Variants in FSIP2 observed in about 807,000 individuals in gnomAD.
The protein encoded by FSIP2 is fibrous sheath interacting protein 2.
In FSIP2, 367 loss-of-function variants were observed where a neutral mutation model predicts 510.5. The observed-to-expected ratio is 0.72, with a 90% CI of 0.66 to 0.78. The LOEUF (loss-of-function observed/expected upper bound fraction) is 0.78, where lower values mean the gene tolerates loss of function less well. Ranked by LOEUF, FSIP2 falls within the 30% of genes least tolerant of loss-of-function variation. The pLI is 0.00. For synonymous variants in FSIP2, 2,601 were observed against 2,732.2 expected, an observed-to-expected ratio of 0.95 and a Z score of 1.50; for missense variants, 7,594 against 7,901.7, an observed-to-expected ratio of 0.96 and a Z score of 1.48.
chr2:185,816,636 G>A (rs915978996), intron 19 of FSIP2, among the ~76,000 whole-genome samples: 4 of 151,720 alleles, frequency 2.6e-5, no homozygotes, highest in Non-Finnish European at 4.4e-5. Flanking sequence ...CCAGGAGTTT[G>A]AAGCCAGCTT....
Position 185,802,779 on chromosome 2 carries a change from A to G in FSIP2, c.13473A>G (p.Arg4491=). The stretch of plus-strand genomic sequence containing the variant: ...CTGCATCTAGCCTGGTTCTAAACAG[A>G]GACACCCAAAAAGATATATCAAGAG... ...FSSASSLVLN[R]DTQKDISRVN... The change falls in exon 17 of 23, where the codon AGA becomes AGG. Residue 4491 remains arginine (R), a synonymous_variant. Transcript: ENST00000424728. 6.6e-7 allele frequency: 1 copy of G among 1,519,440 alleles called. No homozygotes were observed. The highest frequency in any genetic ancestry group is 8.8e-7 in the Non-Finnish European group (1 of 1,140,334). The allele number at this position is 1,519,440 out of a possible 1,614,324, so 94.1% of individuals were successfully genotyped here.
chr2:185,748,088 A>G (rs1464265524), intron 7 of FSIP2, among the ~76,000 whole-genome samples: 1 of 152,010 alleles, frequency 6.6e-6, no homozygotes, highest in African/African-American at 2.4e-5. Flanking sequence ...TGTAAGATTT[A>G]CACAATTTGG....
chr2:185,794,806 C>T lies in FSIP2; in HGVS notation c.7670C>T (p.Ser2557Leu). 1.3e-6 allele frequency: 2 copies of T among 1,532,248 alleles called. No homozygotes were observed. Among genetic ancestry groups the T allele is most frequent in the Non-Finnish European group, 1.7e-6 (2 of 1,144,194 alleles). 94.9% of individuals were successfully genotyped at this position (1,532,248 alleles called of 1,614,324 possible). Residue 2557 changes from serine (S) to leucine (L), a missense_variant, in exon 16 of 23, where the codon TCA becomes TTA. By Grantham distance (145) the Ser-to-Leu change is moderately radical (BLOSUM62 -2). Coordinates refer to ENST00000424728, the MANE Select transcript of FSIP2 (RefSeq NM_173651.4). ...LGKMYLVVVT[S>L]LYENNKSRTE... is the part of the protein sequence containing the mutation. ...AAAATGTACTTGGTAGTTGTGACATCATTATATGAAAATAATAAAAGTAGG... is the reference window on the plus strand; with the variant it reads ...AAAATGTACTTGGTAGTTGTGACATTATTATATGAAAATAATAAAAGTAGG...
Position 185,790,581 on chromosome 2 carries a change from T to C in FSIP2, c.3445T>C (p.Ser1149Pro), listed in dbSNP as rs1693097838. Residue 1149 changes from serine (S) to proline (P), a missense_variant, in exon 16 of 23, where the codon TCA becomes CCA. Coordinates refer to ENST00000424728, the MANE Select transcript of FSIP2 (RefSeq NM_173651.4). ...VLVSEKPQGLSHQEWIDQMFS... is the reference protein window; with the variant it reads ...VLVSEKPQGLPHQEWIDQMFS... Reference sequence around the variant, plus strand: ...TGTTTCAGAAAAGCCTCAAGGACTGTCACATCAAGAATGGATAGACCAGAT... The same window carrying C: ...TGTTTCAGAAAAGCCTCAAGGACTGCCACATCAAGAATGGATAGACCAGAT... The C allele has an allele frequency of 6.5e-7, 1 of 1,533,880 alleles. No individual in the cohort carries two copies. Among genetic ancestry groups the C allele is most frequent in the Non-Finnish European group, 8.7e-7 (1 of 1,145,496 alleles).
chr2:185,780,072 CAA>C (rs555770165), intron 13 of FSIP2, among the ~76,000 whole-genome samples: 6 of 133,468 alleles, frequency 4.5e-5, no homozygotes, highest in Non-Finnish European at 6.5e-5. Context: ...CACTCCATCT[CAA>C]AAAAAAAAAA....
Position 185,804,246 on chromosome 2 carries a change from A to T in FSIP2, c.14940A>T (p.Lys4980Asn). Reference sequence around the variant, plus strand: ...AAAATCCAGATAGAGTGAAACTGAAACTTACCAGGATTGTTACAACATTGG... The same window carrying T: ...AAAATCCAGATAGAGTGAAACTGAATCTTACCAGGATTGTTACAACATTGG... ...VTENPDRVKL[K>N]LTRIVTTLVN... is the part of the protein sequence containing the mutation. Residue 4980 changes from lysine to asparagine, a missense_variant, in exon 17 of 23, where the codon AAA becomes AAT. Lys to Asn is a moderately conservative substitution (Grantham distance 94). Transcript: ENST00000424728. 1 of 1,528,592 alleles carries T rather than the reference A, an allele frequency of 6.5e-7. No homozygotes were observed. The highest frequency in any genetic ancestry group is 8.7e-7 in the Non-Finnish European group (1 of 1,143,266). The allele number at this position is 1,528,592 out of a possible 1,614,324, so 94.7% of individuals were successfully genotyped here.
rs1693210366 is a variant in FSIP2, at chr2:185,794,135, C to T, written c.6999C>T (p.Arg2333=). 3 of 1,532,128 alleles carry T rather than the reference C, an allele frequency of 2.0e-6. No individual in the cohort carries two copies. The African/African-American group carries it at 4.1e-5, about 21-fold the overall frequency. 94.9% of individuals were successfully genotyped at this position (1,532,128 alleles called of 1,614,324 possible). Residue 2333 remains arginine (R), a synonymous_variant, in exon 16 of 23, where the codon CGC becomes CGT. Transcript: ENST00000424728. ...QELTDFTFVG[R]REKLGSTIHL... ...TTACAGATTTCACTTTTGTTGGTCG[C>T]AGAGAAAAACTTGGATCCACAATTC...
rs1378559152 is a variant in FSIP2, at chr2:185,801,758, T to C, written c.12452T>C (p.Leu4151Ser). Residue 4151 changes from leucine (L) to serine (S), a missense_variant, in exon 17 of 23, where the codon TTA becomes TCA. Leu to Ser is a moderately radical substitution (Grantham distance 145). Coordinates refer to ENST00000424728, the MANE Select transcript of FSIP2 (RefSeq NM_173651.4). ...SFLEDVIRRL[L>S]SQLIPPPITC... ...TTAGAAGATGTCATAAGAAGGCTTT[T>C]ATCTCAGCTAATTCCTCCACCCATT... 2.6e-6 allele frequency: 4 copies of C among 1,526,790 alleles called. No homozygotes were observed. The highest frequency in any genetic ancestry group is 2.0e-5 in the Admixed American group (1 of 50,102). 94.6% of individuals were successfully genotyped at this position (1,526,790 alleles called of 1,614,324 possible). A position where few individuals can be genotyped will look rare whatever the true frequency, so the allele number is the denominator to read the frequency against.
At position 185,806,182 on chromosome 2, in the gene FSIP2, C is replaced by T. The variant is rs1357185515; in HGVS notation, c.16876C>T (p.Leu5626Phe). The T allele has an allele frequency of 1.9e-6, 3 of 1,587,604 alleles. No homozygotes were observed. Among genetic ancestry groups the T allele is most frequent in the Non-Finnish European group, 2.6e-6 (3 of 1,171,926 alleles). Reference protein sequence around the residue: ...RESSFKKDDKLFQLSSLKSKR... With the variant: ...RESSFKKDDKFFQLSSLKSKR... ...AAGCTCATTTAAAAAAGATGACAAGCTCTTTCAGTTATCCTCCTTGAAGTC... is the reference window on the plus strand; with the variant it reads ...AAGCTCATTTAAAAAAGATGACAAGTTCTTTCAGTTATCCTCCTTGAAGTC... The change falls in exon 17 of 23, where the codon CTC (leucine) becomes TTC (phenylalanine). Residue 5626 changes from leucine (L) to phenylalanine (F), a missense_variant. Transcript: ENST00000424728.
In FSIP2 at chr2:185,800,945, T is replaced by A; in HGVS notation, c.11639T>A (p.Ile3880Lys). 2.6e-6 allele frequency: 4 copies of A among 1,530,274 alleles called. No individual in the cohort carries two copies. Among genetic ancestry groups the A allele is most frequent in the Middle Eastern group, 3.4e-4 (2 of 5,950 alleles). 94.8% of individuals were successfully genotyped at this position (1,530,274 alleles called of 1,614,324 possible). ...NKHLNYRTRE[I>K]QSSFIKARKS... is the part of the protein sequence containing the mutation. ...CATTTGAACTACAGAACAAGAGAAA[T>A]ACAGTCTAGTTTCATAAAAGCAAGA... Residue 3880 changes from isoleucine (I) to lysine (K), a missense_variant, in exon 17 of 23, where the codon ATA (isoleucine) becomes AAA (lysine). Coordinates refer to ENST00000424728, the MANE Select transcript of FSIP2 (RefSeq NM_173651.4).
Position 185,793,205 on chromosome 2 carries a change from AAATCCTTTT to A in FSIP2, c.6070_6078del (p.Asn2024_Phe2026del), listed in dbSNP as rs750970319. On this transcript the variant is annotated inframe_deletion, in exon 16 of 23. Transcript: ENST00000424728. ...AACAGGAATTAGATAAAGAAAGGGAAAATCCTTTTTTAACTCATGACATTGGGATTTCTG... is the reference window on the plus strand; with the variant it reads ...AACAGGAATTAGATAAAGAAAGGGAATTAACTCATGACATTGGGATTTCTG... 5.2e-6 allele frequency: 8 copies of A among 1,533,930 alleles called. No homozygotes were observed. In the South Asian group the frequency reaches 8.3e-5, roughly 16 times the overall value.
chr2:185,797,211 T>C lies in FSIP2; in HGVS notation c.10075T>C (p.Phe3359Leu), dbSNP rs750734498. The change falls in exon 16 of 23, where the codon TTT (phenylalanine) becomes CTT (leucine). Residue 3359 changes from phenylalanine to leucine, a missense_variant. Coordinates refer to ENST00000424728, the MANE Select transcript of FSIP2 (RefSeq NM_173651.4). ...TNENREIMKP[F>L]FISKQSSLSE... ...TGAGAACAGGGAAATAATGAAACCA[T>C]TTTTCATATCAAAACAAAGCTCTTT... 74 of 1,535,012 alleles carry C rather than the reference T, an allele frequency of 4.8e-5. No individual in the cohort carries two copies. The highest frequency in any genetic ancestry group is 5.8e-5 in the Non-Finnish European group (67 of 1,146,244).
intron 4 of FSIP2, chr2:185,744,886 C>T (rs1485216189): frequency 6.6e-6 from 1 of 152,522 alleles, no homozygotes; most frequent in Admixed American, 6.5e-5. Context: ...AAATGTTGTT[C>T]TTGAATGTGA....
intron 13 of FSIP2, among the ~76,000 whole-genome samples, chr2:185,769,328 C>G (rs776144757): frequency 6.6e-6 from 1 of 152,186 alleles, no homozygotes; most frequent in African/African-American, 2.4e-5. Context: ...ACCATCCTGA[C>G]TGGTGCAAGA....
At chr2:185,775,632 T>A (rs1361658024) in intron 13 of FSIP2, among the ~76,000 whole-genome samples, 1 of 152,098 alleles carries the variant, frequency 6.6e-6, no homozygotes. Flanking sequence ...GTTAACTCTA[T>A]CTTCCAAAAT....
Position 185,797,115 on chromosome 2 carries a change from T to C in FSIP2, c.9979T>C (p.Cys3327Arg), listed in dbSNP as rs1289316348. Residue 3327 changes from cysteine to arginine, a missense_variant, in exon 16 of 23, where the codon TGT becomes CGT. Cys to Arg is a radical substitution (Grantham distance 180). Transcript: ENST00000424728. ...GACAACCATTTCCCCTCTCAAAATA[T>C]GTTTAGCTGCAGAAAATATTGTCAA... is the stretch of plus-strand genomic sequence containing the variant. Reference protein sequence around the residue: ...IQTTISPLKICLAAENIVNTV... With the variant: ...IQTTISPLKIRLAAENIVNTV... 9 of 1,535,018 alleles carry C rather than the reference T, an allele frequency of 5.9e-6. No homozygotes were observed. In the East Asian group the frequency reaches 2.0e-4, roughly 33 times the overall value.
Position 185,805,021 on chromosome 2 carries a change from T to C in FSIP2, c.15715T>C (p.Phe5239Leu), listed in dbSNP as rs1284541101. 6.3e-7 allele frequency: 1 copy of C among 1,594,468 alleles called. No homozygotes were observed. The change falls in exon 17 of 23, where the codon TTT (phenylalanine) becomes CTT (leucine). Residue 5239 changes from phenylalanine (F) to leucine (L), a missense_variant. Transcript: ENST00000424728. ...AATCATGTATCATCATTTACAGCCATTTTTACATGGTGAAGAATCATCTTT... is the reference window on the plus strand; with the variant it reads ...AATCATGTATCATCATTTACAGCCACTTTTACATGGTGAAGAATCATCTTT... ...KEIMYHHLQP[F>L]LHGEESSFSD... is the part of the protein sequence containing the mutation.
At position 185,802,155 on chromosome 2, in the gene FSIP2, A is replaced by G. The variant is rs1417494608; in HGVS notation, c.12849A>G (p.Thr4283=). 6.5e-7 allele frequency: 1 copy of G among 1,533,248 alleles called. No homozygotes were observed. 95.0% of individuals were successfully genotyped at this position (1,533,248 alleles called of 1,614,324 possible). ...TGGATCCAGTGTCTACTATTGTTAC[A>G]CAGGTTCTGAGTGAAGTGATAGAGT... ...TPLDPVSTIV[T]QVLSEVIESH... Residue 4283 remains threonine (T), a synonymous_variant, in exon 17 of 23, where the codon ACA becomes ACG. Coordinates refer to ENST00000424728, the MANE Select transcript of FSIP2 (RefSeq NM_173651.4).
Position 185,747,415 on chromosome 2 carries a change from G to T in FSIP2, c.862G>T (p.Asp288Tyr). 1 of 1,508,968 alleles carries T rather than the reference G, an allele frequency of 6.6e-7. No homozygotes were observed. The highest frequency in any genetic ancestry group is 1.2e-5 in the South Asian group (1 of 83,476). The allele number at this position is 1,508,968 out of a possible 1,614,324, so 93.5% of individuals were successfully genotyped here. A position where few individuals can be genotyped will look rare whatever the true frequency, so the allele number is the denominator to read the frequency against. Reference protein sequence around the residue: ...EQQHRNREESDRKKQDLLEKK... With the variant: ...EQQHRNREESYRKKQDLLEKK... ...ACAGCATAGAAACAGAGAAGAGAGTGACAGGAAGGTAGGGTGAGCTTTAAC... is the reference window on the plus strand; with the variant it reads ...ACAGCATAGAAACAGAGAAGAGAGTTACAGGAAGGTAGGGTGAGCTTTAAC... Residue 288 changes from aspartate to tyrosine, a missense_variant, in exon 7 of 23, where the codon GAC becomes TAC. Coordinates refer to ENST00000424728, the MANE Select transcript of FSIP2 (RefSeq NM_173651.4).
Sources: gnomAD v4.1 joint callset for allele counts (sites outside exome capture counted in the v4.1 genomes callset) on GRCh38, gnomAD v4.1.1 for gene constraint, MANE v1.5 for transcripts, NCBI Gene and HGNC (gene_info 2026-07-23, HGNC 2026-07-21) for gene names.